The following CUL4A variants were observed in gnomAD, a reference collection of about 807,000 sequenced individuals.
CUL4A encodes the protein cullin-4A.
Under a neutral mutation model 95.5 loss-of-function variants are expected in CUL4A, and 16 were observed. The observed-to-expected ratio is 0.17, with a 90% CI of 0.11 to 0.25. CUL4A has a LOEUF of 0.25. Among genes scored for constraint, CUL4A ranks in the 10% least tolerant of loss-of-function variants. The pLI, the probability that CUL4A is intolerant of heterozygous loss-of-function variation, is 1.00. For missense variants in CUL4A, 610 were observed against 937.0 expected, an observed-to-expected ratio of 0.65 and a Z score of 4.56; for synonymous variants, 380 against 353.1, an observed-to-expected ratio of 1.08 and a Z score of -0.85.
Position 113,263,553 on chromosome 13 carries a change from A to C in CUL4A, c.2251A>C (p.Asn751His). Residue 751 changes from asparagine to histidine, a missense_variant, in exon 20 of 20, where the codon AAT becomes CAT. Coordinates refer to ENST00000375440, the MANE Select transcript of CUL4A (RefSeq NM_001008895.4). ...DRDYMERDKD[N>H]PNQYHYVA ...AGACTATATGGAGAGAGACAAAGAC[A>C]ATCCGAATCAGTACCACTACGTGGC... 6.2e-7 allele frequency: 1 copy of C among 1,605,604 alleles called. No individual in the cohort carries two copies. Among genetic ancestry groups the C allele is most frequent in the Non-Finnish European group, 8.5e-7 (1 of 1,176,260 alleles).
At chr13:113,260,242 A>G (rs548139194) in intron 18 of CUL4A, among the ~76,000 whole-genome samples, 14 of 139,876 alleles carry the variant, frequency 1.0e-4, no homozygotes, top group African/African-American at 4.0e-4. Context: ...AAATTCGGTA[A>G]CATCAGGTCA....
At chr13:113,244,556 T>C (rs1355353373) in intron 12 of CUL4A, 42 bp downstream of exon 12, 1 of 1,410,288 alleles carries the variant, frequency 7.1e-7, no homozygotes, top group Non-Finnish European at 9.9e-7. Context: ...AATCAAGAGG[T>C]GTAAACAGGC....
chr13:113,253,147 G>T lies in CUL4A; in HGVS notation c.1704G>T (p.Gln568His), dbSNP rs1454725641. The change falls in exon 16 of 20, where the codon CAG (glutamine) becomes CAT (histidine). Residue 568 changes from glutamine (Q) to histidine (H), a missense_variant. Gln to His is a conservative substitution (Grantham distance 24). This residue lies in a region of CUL4A where 1 missense variants were observed against 22.0 expected (regional missense o/e 0.05). Coordinates refer to ENST00000375440, the MANE Select transcript of CUL4A (RefSeq NM_001008895.4). ...YLGKHSGRKL[Q>H]WQTTLGHAVL... ...GAAAGCACAGTGGTCGAAAACTTCA[G>T]TGGCAAACTACTTTGGGACATGCTG... 6.2e-7 allele frequency: 1 copy of T among 1,607,812 alleles called. No homozygotes were observed. The highest frequency in any genetic ancestry group is 1.3e-5 in the African/African-American group (1 of 74,858).
chr13:113,217,009 A>G (rs2040718832), intron 2 of CUL4A, among the ~76,000 whole-genome samples: 1 of 152,240 alleles, frequency 6.6e-6, no homozygotes, highest in Non-Finnish European at 1.5e-5. Context: ...AATAGGACAC[A>G]TAGGAGGCAG....
At chr13:113,256,835 T>C (rs2042131684) in intron 18 of CUL4A, among the ~76,000 whole-genome samples, 2 of 151,862 alleles carry the variant, frequency 1.3e-5, no homozygotes. Context: ...TTTCAAGTCA[T>C]ATGCATTCAT....
chr13:113,233,638 G>A (rs2041439483), intron 6 of CUL4A, among the ~76,000 whole-genome samples: 1 of 152,208 alleles, frequency 6.6e-6, no homozygotes, highest in Admixed American at 6.5e-5. Context: ...CACGCTGGGG[G>A]AAAATATTAG....
intron 5 of CUL4A, chr13:113,230,126 C>T (rs1386617945): frequency 4.9e-5 from 8 of 164,398 alleles, no homozygotes; most frequent in Admixed American, 1.3e-4. Context: ...AAGCTGTGTC[C>T]GGTCTCACCG....
chr13:113,258,225 A>AAGCAGTCTTCCTACCTTGACCCCCC (rs1306515304), intron 18 of CUL4A, among the ~76,000 whole-genome samples: 2 of 152,078 alleles, frequency 1.3e-5, no homozygotes, highest in East Asian at 3.9e-4. Flanking sequence ...TCCTGGGCTC[A>AAGCAGTCTTCCTACCTTGACCCCCC]AGCAGTCTTC....
At chr13:113,256,631 G>A (rs1425789185) in intron 18 of CUL4A, among the ~76,000 whole-genome samples, 10 of 152,154 alleles carry the variant, frequency 6.6e-5, no homozygotes, top group South Asian at 2.1e-4. Context: ...CTACCACTCA[G>A]TAGTTTATAC....
chr13:113,244,496 C>G lies in CUL4A; in HGVS notation c.1315C>G (p.Leu439Val). 1 of 1,612,256 alleles carries G rather than the reference C, an allele frequency of 6.2e-7. No individual in the cohort carries two copies. The stretch of plus-strand genomic sequence containing the variant: ...GCGGACGTTGGACAAGATCATGATC[C>G]TGTTCAGGTTTATCCACGGTGAGAC... The part of the protein sequence containing the change: ...LERTLDKIMI[L>V]FRFIHGKDVF... The change falls in exon 12 of 20, where the codon CTG becomes GTG. Residue 439 changes from leucine (L) to valine (V), a missense_variant. Physicochemically the swap from Leu to Val is conservative, Grantham distance 32. Transcript: ENST00000375440.
intron 15 of CUL4A, 80 bp downstream of exon 15, chr13:113,246,143 T>G: frequency 9.6e-7 from 1 of 1,040,118 alleles, no homozygotes; most frequent in Non-Finnish European, 1.4e-6. Context: ...CAAGAATTGT[T>G]GAATGGGGAG....
intron 4 of CUL4A, 57 bp downstream of exon 4, chr13:113,228,102 A>C: frequency 2.4e-6 from 3 of 1,261,862 alleles, no homozygotes; most frequent in Non-Finnish European, 3.5e-6. Context: ...CCTCACCCAC[A>C]TGATTGAGAG....
At chr13:113,212,001 T>C (rs959908795) in intron 2 of CUL4A, among the ~76,000 whole-genome samples, 4 of 152,244 alleles carry the variant, frequency 2.6e-5, no homozygotes, top group Non-Finnish European at 4.4e-5. Context: ...TCTGTAACTT[T>C]AGCTGTGCTT....
chr13:113,210,131 G>T, intron 2 of CUL4A, 43 bp downstream of exon 2: 2 of 1,352,074 alleles, frequency 1.5e-6, no homozygotes, highest in Non-Finnish European at 1.9e-6. Flanking sequence ...CCTGCCCCGC[G>T]TGACGCAGAC....
chr13:113,261,228 T>G (rs1048400851), intron 19 of CUL4A, among the ~76,000 whole-genome samples: 3 of 152,148 alleles, frequency 2.0e-5, no homozygotes, highest in African/African-American at 7.2e-5. Flanking sequence ...GAACTGAGAT[T>G]TACTGTCCTG....
intron 4 of CUL4A, 63 bp from the exon 5 acceptor site, chr13:113,229,383 C>T: frequency 7.2e-7 from 1 of 1,388,028 alleles, no homozygotes; most frequent in South Asian, 1.2e-5. Context: ...AGTTAAAAGG[C>T]CTGATCTTTC....
chr13:113,263,443 T>C (rs778298667), intron 19 of CUL4A, 44 bp from the exon 20 acceptor site: 19 of 1,237,008 alleles, frequency 1.5e-5, no homozygotes, highest in Non-Finnish European at 2.2e-5. Flanking sequence ...TGTTTGTAAA[T>C]TTAATGCCAT....
chr13:113,211,227 A>G (rs1163253636), intron 2 of CUL4A, among the ~76,000 whole-genome samples: 1 of 152,224 alleles, frequency 6.6e-6, no homozygotes. Flanking sequence ...CATGTATTTC[A>G]TAGTCTTTTG....
rs1223236675 is a variant in CUL4A, at chr13:113,234,952, A to G, written c.766-111A>G. 9 of 738,476 alleles carry G rather than the reference A, an allele frequency of 1.2e-5. No homozygotes were observed. The East Asian group carries it at 1.3e-4, about 11-fold the overall frequency. The allele number at this position is 738,476 out of a possible 1,614,324, so 45.7% of individuals were successfully genotyped here. The stretch of plus-strand genomic sequence containing the variant: ...ATCTGTGTTAATATTTGGCTTGAAT[A>G]TGTATTCTGCTTTTTAAAAAAATTA... On this transcript the variant is annotated intron_variant, in intron 7 of 19. Coordinates refer to ENST00000375440, the MANE Select transcript of CUL4A (RefSeq NM_001008895.4).
Sources: gnomAD v4.1 joint callset for allele counts (sites outside exome capture counted in the v4.1 genomes callset) on GRCh38, gnomAD v4.1.1 for gene constraint, gnomAD v4.1.1 regional missense constraint, MANE v1.5 for transcripts, NCBI Gene and HGNC (gene_info 2026-07-23, HGNC 2026-07-21) for gene names.